RAB5C: variants seen among roughly 807,000 people sequenced by gnomAD.
RAB5C encodes the protein ras-related protein Rab-5C.
In RAB5C, 4 loss-of-function variants were observed where a neutral mutation model predicts 25.2. The observed-to-expected ratio is 0.16, with a 90% CI of 0.08 to 0.36. RAB5C has a LOEUF of 0.36. RAB5C is among the 10% of genes least tolerant of loss of function. The pLI, the probability that RAB5C is intolerant of heterozygous loss-of-function variation, is 1.00. For synonymous variants in RAB5C, 100 were observed against 106.4 expected, an observed-to-expected ratio of 0.94 and a Z score of 0.37; for missense variants, 199 against 283.8, an observed-to-expected ratio of 0.70 and a Z score of 2.15.
At chr17:42,126,640 A>AT in intron 5 of RAB5C, 115 bp downstream of exon 5, 1 of 433,600 alleles carries the variant, frequency 2.3e-6, no homozygotes, top group Non-Finnish European at 4.0e-6. Context: ...TCAAAAAAAA[A>AT]AAAAAAAAAA....
At chr17:42,125,984 C>A in intron 5 of RAB5C, 86 bp from the exon 6 acceptor site, 2 of 979,404 alleles carry the variant, frequency 2.0e-6, no homozygotes, top group Middle Eastern at 2.1e-4. Context: ...GCCTTTATAC[C>A]CAATCAGTGG....
At chr17:42,143,084 A>C (rs1327481405) in intron 1 of RAB5C, among the ~76,000 whole-genome samples, 1 of 152,200 alleles carries the variant, frequency 6.6e-6, no homozygotes, top group East Asian at 1.9e-4. Context: ...GAGCAGTATG[A>C]ATGGGTGAGT....
intron 1 of RAB5C, chr17:42,131,640 G>C: frequency 2.6e-6 from 4 of 1,532,038 alleles, no homozygotes; most frequent in Non-Finnish European, 2.6e-6. Flanking sequence ...GAGATGGGGC[G>C]ATGGAGAGAA....
chr17:42,134,283 T>G (rs372484829), intron 1 of RAB5C, among the ~76,000 whole-genome samples: 4 of 152,272 alleles, frequency 2.6e-5, no homozygotes, highest in South Asian at 4.1e-4. Context: ...AATCTTTCTT[T>G]TTGAACCCCT....
chr17:42,131,681 A>C (rs2054487984), intron 1 of RAB5C: 13 of 1,419,002 alleles, frequency 9.2e-6, no homozygotes, highest in Non-Finnish European at 1.2e-5. Flanking sequence ...GAGGGCAGAG[A>C]CCAAGTCCTG....
At chr17:42,139,294 G>T (rs1279073524) in intron 1 of RAB5C, among the ~76,000 whole-genome samples, 1 of 152,218 alleles carries the variant, frequency 6.6e-6, no homozygotes, top group Non-Finnish European at 1.5e-5. Flanking sequence ...AGGTAGCACG[G>T]AAGGCCCACA....
intron 4 of RAB5C, 53 bp downstream of exon 4, chr17:42,128,208 G>A: frequency 6.3e-7 from 1 of 1,579,196 alleles, no homozygotes; most frequent in South Asian, 1.2e-5. Flanking sequence ...CCCAGGCGAG[G>A]CCGGGGGGAG....
At chr17:42,151,388 G>C (rs1300248271) in intron 1 of RAB5C, among the ~76,000 whole-genome samples, 1 of 151,598 alleles carries the variant, frequency 6.6e-6, no homozygotes, top group Non-Finnish European at 1.5e-5. Context: ...AGTGAGCCAA[G>C]ATCGCACCAC....
chr17:42,146,059 GGCCTCCCA>G (rs2079633163), intron 1 of RAB5C, among the ~76,000 whole-genome samples: 1 of 152,006 alleles, frequency 6.6e-6, no homozygotes, highest in Admixed American at 6.6e-5. Flanking sequence ...CACCCACCTC[GGCCTCCCA>G]AAGTGCTGGG....
chr17:42,138,948 T>C (rs1485028375), intron 1 of RAB5C, among the ~76,000 whole-genome samples: 1 of 152,166 alleles, frequency 6.6e-6, no homozygotes, highest in African/African-American at 2.4e-5. Context: ...AAGACACCCC[T>C]GAGGGACAGA....
intron 1 of RAB5C, among the ~76,000 whole-genome samples, chr17:42,135,045 A>G (rs2054522664): frequency 6.7e-6 from 1 of 148,912 alleles, no homozygotes; most frequent in Non-Finnish European, 1.5e-5. Flanking sequence ...CAGTGGCACG[A>G]TCTCTGCTTA....
chr17:42,127,793 T>C (rs1041844054), intron 4 of RAB5C, among the ~76,000 whole-genome samples: 1 of 150,028 alleles, frequency 6.7e-6, no homozygotes. Flanking sequence ...CTGCAGAGTA[T>C]TGGGATTACA....
intron 1 of RAB5C, among the ~76,000 whole-genome samples, chr17:42,130,938 A>ACT (rs2054479306): frequency 6.6e-6 from 1 of 152,196 alleles, no homozygotes; most frequent in Non-Finnish European, 1.5e-5. Flanking sequence ...GTGACAGTTA[A>ACT]GTCAACAGGC....
chr17:42,125,913 G>T lies in RAB5C; in HGVS notation c.536-15C>A. The T allele has an allele frequency of 6.3e-7, 1 of 1,581,734 alleles. No homozygotes were observed. Among genetic ancestry groups the T allele is most frequent in the East Asian group, 2.3e-5 (1 of 44,200 alleles). On this transcript the variant is annotated splice_polypyrimidine_tract_variant and intron_variant, in intron 5 of 5. Coordinates refer to ENST00000346213, the MANE Select transcript of RAB5C (RefSeq NM_004583.4). ...AAGCTTCTTAGCTGTTTGGGAGGGGGAAAAGTGCATTTGTTGGGGGTACCC... is the reference window on the plus strand; with the variant it reads ...AAGCTTCTTAGCTGTTTGGGAGGGGTAAAAGTGCATTTGTTGGGGGTACCC...
intron 1 of RAB5C, chr17:42,131,722 C>G: frequency 2.9e-6 from 3 of 1,043,652 alleles, no homozygotes; most frequent in Non-Finnish European, 4.2e-6. Flanking sequence ...CCAGTCCCGA[C>G]ATCTGAATCA....
chr17:42,140,505 ATATATATATATTTTTTTTTTT>A (rs370364600), intron 1 of RAB5C, among the ~76,000 whole-genome samples: 17,372 of 69,730 alleles, frequency 0.25, 1,260 homozygotes, highest in African/African-American at 0.44. Flanking sequence ...ATATATATAT[ATATATATATATTTTTTTTTTT>A]TTTTTTTTTT....
At chr17:42,150,122 T>C (rs2079660757) in intron 1 of RAB5C, among the ~76,000 whole-genome samples, 2 of 151,450 alleles carry the variant, frequency 1.3e-5, no homozygotes, top group South Asian at 4.3e-4. Context: ...TGACTTCAGG[T>C]GATCTCCCAG....
chr17:42,152,258 T>C (rs531119982), intron 1 of RAB5C, among the ~76,000 whole-genome samples: 94 of 152,330 alleles, frequency 6.2e-4, no homozygotes, highest in Non-Finnish European at 1.1e-3. Context: ...TTAGTGTTAC[T>C]GTCCCTCTAC....
At chr17:42,139,816 G>T (rs1406337609) in intron 1 of RAB5C, among the ~76,000 whole-genome samples, 1 of 152,150 alleles carries the variant, frequency 6.6e-6, no homozygotes, top group Admixed American at 6.5e-5. Context: ...CAGCCACAGG[G>T]CTTGTTAGGG....
Sources: allele counts gnomAD v4.1 joint callset (sites outside exome capture counted in the v4.1 genomes callset), GRCh38; gene constraint gnomAD v4.1.1; transcripts MANE v1.5; gene names NCBI Gene and HGNC (gene_info 2026-07-23, HGNC 2026-07-21).